Variants in OR1S1 observed in about 807,000 individuals in gnomAD.
OR1S1 encodes the protein olfactory receptor family 1 subfamily S member 1.
For missense variants in OR1S1, 411 were observed against 367.5 expected (o/e 1.12, Z -0.97); for synonymous variants, 156 against 143.9 (o/e 1.08, Z -0.60).
exon 2 of OR1S1, chr11:58,216,062 A>C: frequency 4.3e-6 from 1 of 231,444 alleles, no homozygotes. Flanking sequence ...TGTTTGATAA[A>C]TCATTAGGGG....
At chr11:58,214,796 A>T in exon 2 of OR1S1, 1 of 1,613,982 alleles carries the variant, frequency 6.2e-7, no homozygotes, top group Non-Finnish European at 8.5e-7. Context: ...GCATCAAGGA[A>T]ACCAAACCAC....
chr11:58,215,848 T>A, exon 2 of OR1S1: 1 of 1,212,910 alleles, frequency 8.2e-7, no homozygotes, highest in Non-Finnish European at 1.2e-6. Flanking sequence ...TATTCCAACC[T>A]CTGAAGGGGT....
chr11:58,215,776 C>G, exon 2 of OR1S1: 1 of 1,563,338 alleles, frequency 6.4e-7, no homozygotes, highest in Non-Finnish European at 8.7e-7. Context: ...ATGATTCAGC[C>G]CAGAGCGTAT....
chr11:58,213,369 A>G (rs1450128545), intron 1 of OR1S1, among the ~76,000 whole-genome samples: 3 of 152,172 alleles, frequency 2.0e-5, no homozygotes, highest in Non-Finnish European at 4.4e-5. Flanking sequence ...AAGGTTTTAA[A>G]AATGTTTAAC....
chr11:58,215,513 C>T (rs746597694), exon 2 of OR1S1: 4 of 1,614,144 alleles, frequency 2.5e-6, no homozygotes, highest in Non-Finnish European at 3.4e-6. Flanking sequence ...TTGTGGCTCT[C>T]ACCTGACAGT....
At chr11:58,214,920 T>C (rs765490149) in exon 2 of OR1S1, 68 of 1,614,044 alleles carry the variant, frequency 4.2e-5, no homozygotes, top group Admixed American at 1.5e-4. Context: ...GGGCTCATCA[T>C]TGTGGCTATC....
chr11:58,214,954 C>A (rs1315893563), exon 2 of OR1S1: 9 of 1,613,928 alleles, frequency 5.6e-6, no homozygotes, highest in Non-Finnish European at 7.6e-6. Context: ...ACCTTCATAC[C>A]CCCATGTATC....
chr11:58,215,283 T>C, exon 2 of OR1S1: 1 of 1,613,502 alleles, frequency 6.2e-7, no homozygotes, highest in Non-Finnish European at 8.5e-7. Flanking sequence ...ATTCAATTGC[T>C]CTTCTGTAAC....
chr11:58,214,688 T>A, intron 1 of OR1S1, 41 bp from the exon 2 acceptor site: 1 of 1,493,124 alleles, frequency 6.7e-7, no homozygotes, highest in East Asian at 2.3e-5. Flanking sequence ...TTTATTCAAG[T>A]GACTTACTGC....
At chr11:58,213,152 C>A (rs1046721497) in intron 1 of OR1S1, among the ~76,000 whole-genome samples, 34 of 152,206 alleles carry the variant, frequency 2.2e-4, no homozygotes, top group Non-Finnish European at 3.5e-4. Flanking sequence ...TCTTTTCTGG[C>A]CTCTGAATGG....
intron 1 of OR1S1, 95 bp from the exon 2 acceptor site, chr11:58,214,634 A>G (rs1241454830): frequency 5.4e-6 from 5 of 917,556 alleles, no homozygotes; most frequent in South Asian, 1.6e-5. Context: ...CTGCTGAAAT[A>G]CTTCCTTATT....
At chr11:58,215,687 A>G in exon 2 of OR1S1, 1 of 1,613,562 alleles carries the variant, frequency 6.2e-7, no homozygotes, top group Non-Finnish European at 8.5e-7. Context: ...AGGTGCCCTG[A>G]GAAAGCTCAT....
At chr11:58,215,281 G>A in exon 2 of OR1S1, 1 of 1,613,424 alleles carries the variant, frequency 6.2e-7, no homozygotes, top group Non-Finnish European at 8.5e-7. Context: ...TCATTCAATT[G>A]CTCTTCTGTA....
chr11:58,215,186 C>G, exon 2 of OR1S1: 1 of 1,614,044 alleles, frequency 6.2e-7, no homozygotes, highest in Non-Finnish European at 8.5e-7. Context: ...TTATACAATT[C>G]TCATGCGGCC....
exon 2 of OR1S1, chr11:58,215,797 T>G: frequency 6.6e-7 from 1 of 1,514,702 alleles, no homozygotes; most frequent in South Asian, 1.3e-5. Flanking sequence ...GGCACAGTTG[T>G]GATGGTTCAA....
exon 2 of OR1S1, chr11:58,215,446 C>T: frequency 6.2e-7 from 1 of 1,614,170 alleles, no homozygotes. Flanking sequence ...ATGTCTGCAT[C>T]ATCAGAGCTG....
exon 2 of OR1S1, chr11:58,214,919 A>G: frequency 6.2e-7 from 1 of 1,614,076 alleles, no homozygotes; most frequent in Non-Finnish European, 8.5e-7. Flanking sequence ...CGGGCTCATC[A>G]TTGTGGCTAT....
chr11:58,214,798 C>T (rs779082823), exon 2 of OR1S1: 3 of 1,613,910 alleles, frequency 1.9e-6, no homozygotes, highest in Non-Finnish European at 2.5e-6. Context: ...ATCAAGGAAA[C>T]CAAACCACCA....
chr11:58,215,638 A>G lies in OR1S1; in HGVS notation c.855A>G (p.Ile285Met), dbSNP rs142162144. 2.7e-4 allele frequency: 431 copies of G among 1,613,316 alleles called. 1 individual carries two copies. The highest frequency in any genetic ancestry group is 6.6e-4 in the Middle Eastern group (4 of 6,024). Residue 285 changes from isoleucine to methionine, a missense_variant, in exon 2 of 2, where the codon ATA becomes ATG. Transcript: ENST00000641544. Reference sequence around the variant, plus strand: ...TATTCACTGTGGTGACACCCATGATAAACCCCTTCATCTACAGCTTGAGGA... The same window carrying G: ...TATTCACTGTGGTGACACCCATGATGAACCCCTTCATCTACAGCTTGAGGA...
Sources: allele counts gnomAD v4.1 joint callset (sites outside exome capture counted in the v4.1 genomes callset), GRCh38; gene constraint gnomAD v4.1.1; transcripts MANE v1.5; gene names NCBI Gene and HGNC (gene_info 2026-07-23, HGNC 2026-07-21).